Variants in NR1D2 observed in about 807,000 individuals in gnomAD.
NR1D2 encodes the protein nuclear receptor subfamily 1 group D member 2.
Under a neutral mutation model 52.2 loss-of-function variants are expected in NR1D2, and 25 were observed. The ratio of observed to expected loss-of-function variants is 0.48; its 90% CI spans 0.35 to 0.67. The LOEUF is 0.67. Among genes scored for constraint, NR1D2 ranks in the 30% least tolerant of loss-of-function variants. NR1D2 has a pLI of 0.01. For missense variants in NR1D2, 681 were observed against 707.2 expected, an observed-to-expected ratio of 0.96 and a Z score of 0.42; for synonymous variants, 259 against 230.1, an observed-to-expected ratio of 1.13 and a Z score of -1.14.
At chr3:23,972,569 A>T (rs1399666537) in intron 7 of NR1D2, among the ~76,000 whole-genome samples, 1 of 148,032 alleles carries the variant, frequency 6.8e-6, no homozygotes, top group Non-Finnish European at 1.5e-5. Context: ...TACAGACTTC[A>T]GTTGTCTTCA....
rs573027949 is a variant in NR1D2, at chr3:23,962,305, G to A, written c.846G>A (p.Gln282=). ...ACTCAGCTGAGAGCATGCAGCCCCA[G>A]AGAGGAGAACGGATTCCCAAGAACA... is the stretch of plus-strand genomic sequence containing the variant. ...QENSAESMQP[Q]RGERIPKNME... is the part of the protein sequence containing the mutation. Residue 282 remains glutamine (Q), a synonymous_variant, in exon 5 of 8, where the codon CAG becomes CAA. Coordinates refer to ENST00000312521, the MANE Select transcript of NR1D2 (RefSeq NM_005126.5). 8 of 1,614,080 alleles carry A rather than the reference G, an allele frequency of 5.0e-6. No homozygotes were observed. Among genetic ancestry groups the A allele is most frequent in the Non-Finnish European group, 6.8e-6 (8 of 1,180,052 alleles).
In NR1D2 at chr3:23,978,663, T is replaced by C. The variant is rs925806695; in HGVS notation, c.*1244T>C. ...ATTTTTATTCTTTCTGAAGAACTAA[T>C]TAATGTTTAAAGCAACTGTTTAATA... On this transcript the variant is annotated 3_prime_UTR_variant, in exon 8 of 8. Transcript: ENST00000312521. 2.0e-5 allele frequency: 3 copies of C among 152,134 alleles called. No individual in the cohort carries two copies. Among genetic ancestry groups the C allele is most frequent in the Non-Finnish European group, 4.4e-5 (3 of 67,974 alleles). The allele number at this position is 152,134 out of a possible 1,614,324, so 9.4% of individuals were successfully genotyped here.
In NR1D2 at chr3:23,946,125, C is replaced by T. The variant is rs1399363809; in HGVS notation, c.16+531C>T. Reference sequence around the variant, plus strand: ...GGCAGTGACGTCGCCGCGATTCCCTCCTCCCCCGCGGGGTTGCACACTGCG... The same window carrying T: ...GGCAGTGACGTCGCCGCGATTCCCTTCTCCCCCGCGGGGTTGCACACTGCG... On this transcript the variant is annotated intron_variant, in intron 1 of 7. Transcript: ENST00000312521. 20 of 984,960 alleles carry T rather than the reference C, an allele frequency of 2.0e-5. No homozygotes were observed. In the Admixed American group the frequency reaches 8.0e-4, roughly 39 times the overall value. 61.0% of individuals were successfully genotyped at this position (984,960 alleles called of 1,614,324 possible).
intron 1 of NR1D2, among the ~76,000 whole-genome samples, chr3:23,953,746 G>A (rs1294482644): frequency 6.6e-6 from 1 of 152,174 alleles, no homozygotes; most frequent in African/African-American, 2.4e-5. Flanking sequence ...CATCTGTTCT[G>A]GATTAACCTG....
At chr3:23,953,336 C>CT (rs1705993770) in intron 1 of NR1D2, among the ~76,000 whole-genome samples, 1 of 91,578 alleles carries the variant, frequency 1.1e-5, no homozygotes, top group African/African-American at 5.2e-5. Context: ...GAGTGAGACT[C>CT]TGTCTCAAAA....
chr3:23,962,921 G>C (rs1013786910), intron 5 of NR1D2, among the ~76,000 whole-genome samples: 1 of 151,728 alleles, frequency 6.6e-6, no homozygotes, highest in African/African-American at 2.4e-5. Flanking sequence ...TAAGCATTCT[G>C]GTTAATTAGT....
chr3:23,972,263 GT>G, intron 7 of NR1D2, among the ~76,000 whole-genome samples: 1 of 152,326 alleles, frequency 6.6e-6, no homozygotes, highest in South Asian at 2.1e-4. Context: ...GAGGGATTAA[GT>G]AATTTACCCA....
rs554632315 is a variant in NR1D2, at chr3:23,970,293, T to C, written c.1543+2270T>C. ...AGAAGGGCCAACTTCCCAGAGGTAG[T>C]TCAGAGGAAGAAATGATGGCAAAGG... On this transcript the variant is annotated intron_variant, in intron 7 of 7. Transcript: ENST00000312521. 3.3e-5 allele frequency among the ~76,000 whole-genome samples: 5 copies of C among 152,222 alleles called. No individual in the cohort carries two copies. In the South Asian group the frequency reaches 6.2e-4, roughly 19 times the overall value.
In NR1D2 at chr3:23,960,321, C is replaced by T. The variant is rs138292770; in HGVS notation, c.517+506C>T. On this transcript the variant is annotated intron_variant, in intron 4 of 7. Coordinates refer to ENST00000312521, the MANE Select transcript of NR1D2 (RefSeq NM_005126.5). Reference sequence around the variant, plus strand: ...TCGGGAGGCTAAGGCAGGAGAATAGCGTGAACCCAGGAGGTGGAGGTTGCA... The same window carrying T: ...TCGGGAGGCTAAGGCAGGAGAATAGTGTGAACCCAGGAGGTGGAGGTTGCA... Among the ~76,000 whole-genome samples, 820 of 152,226 alleles carry T rather than the reference C, an allele frequency of 5.4e-3. 7 individuals carry two copies. Among genetic ancestry groups the T allele is most frequent in the African/African-American group, 0.019 (784 of 41,542 alleles).
intron 6 of NR1D2, among the ~76,000 whole-genome samples, chr3:23,966,017 G>C (rs752427359): frequency 6.6e-6 from 1 of 152,136 alleles, no homozygotes; most frequent in African/African-American, 2.4e-5. Context: ...TCCTGCTTGG[G>C]CTTGGGGTAG....
chr3:23,956,220 C>G (rs1388942256), intron 3 of NR1D2, 95 bp downstream of exon 3: 1 of 911,574 alleles, frequency 1.1e-6, no homozygotes, highest in African/African-American at 1.6e-5. Flanking sequence ...GTCTGAGAGA[C>G]AGTGAGAAGT....
intron 2 of NR1D2, among the ~76,000 whole-genome samples, chr3:23,955,400 C>T (rs1706054975): frequency 6.6e-6 from 1 of 152,034 alleles, no homozygotes; most frequent in African/African-American, 2.4e-5. Flanking sequence ...TCTAAATTTA[C>T]AAAATTTCTT....
chr3:23,965,419 T>G (rs921371093), intron 6 of NR1D2, among the ~76,000 whole-genome samples: 3 of 151,004 alleles, frequency 2.0e-5, no homozygotes, highest in Non-Finnish European at 4.4e-5. Flanking sequence ...TTTTTGTTTT[T>G]TTTTTTTTGT....
chr3:23,972,716 A>G (rs1706622067), intron 7 of NR1D2, among the ~76,000 whole-genome samples: 1 of 152,084 alleles, frequency 6.6e-6, no homozygotes, highest in South Asian at 2.1e-4. Flanking sequence ...CATAAATTAA[A>G]CTCTGCAGTA....
intron 1 of NR1D2, among the ~76,000 whole-genome samples, chr3:23,947,645 T>C (rs959429796): frequency 6.6e-6 from 1 of 152,230 alleles, no homozygotes; most frequent in African/African-American, 2.4e-5. Context: ...TGAACTATTA[T>C]GAAGTTAGAT....
chr3:23,973,445 T>C (rs572862783), intron 7 of NR1D2, among the ~76,000 whole-genome samples: 1 of 152,308 alleles, frequency 6.6e-6, no homozygotes, highest in South Asian at 2.1e-4. Flanking sequence ...TATCTAAACA[T>C]ATCTAAACAA....
At chr3:23,970,418 T>C (rs991296955) in intron 7 of NR1D2, among the ~76,000 whole-genome samples, 33 of 152,154 alleles carry the variant, frequency 2.2e-4, no homozygotes, top group Non-Finnish European at 2.6e-4. Context: ...AAGCCTTTTT[T>C]CTGATTATAA....
intron 3 of NR1D2, among the ~76,000 whole-genome samples, chr3:23,957,060 G>T (rs1706097441): frequency 6.6e-6 from 1 of 151,698 alleles, no homozygotes; most frequent in South Asian, 2.1e-4. Flanking sequence ...TTGGTTCACT[G>T]CAACCTCTGC....
In NR1D2 at chr3:23,956,000, CCTCCTACT is replaced by C. The variant is rs760103134; in HGVS notation, c.284-36_284-29del. ...TGGAAAGAAAACAGACTCGGTGTTT[CCTCCTACT>C]TTTTACTTCGTGTCCTTTTGTGTCC... is the stretch of plus-strand genomic sequence containing the variant. On this transcript the variant is annotated intron_variant, in intron 2 of 7. Transcript: ENST00000312521. 1.9e-5 allele frequency: 27 copies of C among 1,442,774 alleles called. No individual in the cohort carries two copies. In the African/African-American group the frequency reaches 3.6e-4, roughly 19 times the overall value. 89.4% of individuals were successfully genotyped at this position (1,442,774 alleles called of 1,614,324 possible).
Sources: allele counts gnomAD v4.1 joint callset (sites outside exome capture counted in the v4.1 genomes callset), GRCh38; gene constraint gnomAD v4.1.1; transcripts MANE v1.5; gene names NCBI Gene and HGNC (gene_info 2026-07-23, HGNC 2026-07-21).